Variants in EEF2K observed in about 807,000 individuals in gnomAD.
EEF2K encodes eukaryotic elongation factor 2 kinase.
Under a neutral mutation model 93.8 loss-of-function variants are expected in EEF2K, and 70 were observed. The observed-to-expected ratio is 0.75, with a 90% CI of 0.62 to 0.91. The LOEUF (loss-of-function observed/expected upper bound fraction) is 0.91, where lower values mean the gene tolerates loss of function less well. EEF2K is among the 40% of genes least tolerant of loss of function. The pLI is 0.00. For synonymous variants in EEF2K, 376 were observed against 380.8 expected, an observed-to-expected ratio of 0.99 and a Z score of 0.15; for missense variants, 935 against 972.9, an observed-to-expected ratio of 0.96 and a Z score of 0.52.
chr16:22,263,208 G>T, intron 12 of EEF2K, 21 bp downstream of exon 12: 3 of 1,604,352 alleles, frequency 1.9e-6, no homozygotes, highest in Non-Finnish European at 2.6e-6. Context: ...CCCAGGAAAT[G>T]AGACCGGTGT....
At position 22,256,248 on chromosome 16, in the gene EEF2K, C is replaced by A. The variant is rs372994075; in HGVS notation, c.619-500C>A. On this transcript the variant is annotated intron_variant, in intron 6 of 17. Coordinates refer to ENST00000263026, the MANE Select transcript of EEF2K (RefSeq NM_013302.5). The stretch of plus-strand genomic sequence containing the variant: ...GAGTAGCTGGGATTACAGGCATGTG[C>A]CACCATGCCTGGCTAATTTTGTATT... 2.5e-4 allele frequency among the ~76,000 whole-genome samples: 38 copies of A among 152,224 alleles called. No individual in the cohort carries two copies. The East Asian group carries it at 4.5e-3, about 18-fold the overall frequency.
intron 3 of EEF2K, 41 bp from the exon 4 acceptor site, chr16:22,248,713 AC>A: frequency 6.2e-7 from 1 of 1,611,454 alleles, no homozygotes; most frequent in Middle Eastern, 1.7e-4. Context: ...AAACAGGACC[AC>A]GTGATGGACG....
intron 1 of EEF2K, among the ~76,000 whole-genome samples, chr16:22,224,410 C>T (rs140338849): frequency 1.6e-3 from 246 of 152,078 alleles, no homozygotes; most frequent in Middle Eastern, 0.01. Flanking sequence ...GCAGGAGGAT[C>T]ACTTGAGCCC....
chr16:22,226,370 GA>G (rs1458916383), intron 2 of EEF2K, among the ~76,000 whole-genome samples: 1 of 111,444 alleles, frequency 9.0e-6, no homozygotes, highest in Non-Finnish European at 1.7e-5. Flanking sequence ...GAACAGAACA[GA>G]ATAAAACAGC....
intron 1 of EEF2K, among the ~76,000 whole-genome samples, chr16:22,206,919 A>G (rs544580803): frequency 6.6e-6 from 1 of 152,288 alleles, no homozygotes; most frequent in South Asian, 2.1e-4. Context: ...GTGGATATGG[A>G]AAGCAATTGG....
At chr16:22,220,767 C>T (rs1308870704) in intron 1 of EEF2K, among the ~76,000 whole-genome samples, 4 of 150,380 alleles carry the variant, frequency 2.7e-5, no homozygotes, top group Admixed American at 6.6e-5. Flanking sequence ...TTTTAACCAC[C>T]GAACTACACT....
At chr16:22,267,015 G>A in intron 15 of EEF2K, 139 bp downstream of exon 15, 1 of 1,098,028 alleles carries the variant, frequency 9.1e-7, no homozygotes. Context: ...AATGTCCCAG[G>A]CACTGGTTTG....
At position 22,251,131 on chromosome 16, in the gene EEF2K, C is replaced by A. The variant is rs371491303; in HGVS notation, c.447-20C>A. The A allele has an allele frequency of 8.1e-6, 13 of 1,608,312 alleles. No individual in the cohort carries two copies. In the African/African-American group the frequency reaches 1.6e-4, roughly 20 times the overall value. On this transcript the variant is annotated intron_variant, in intron 5 of 17. Transcript: ENST00000263026. ...AACCCCAGAGTACCCAGGTAGGCCCCCTGTTGCCTCTTCCCACAGGAAGAA... is the reference window on the plus strand; with the variant it reads ...AACCCCAGAGTACCCAGGTAGGCCCACTGTTGCCTCTTCCCACAGGAAGAA...
intron 15 of EEF2K, among the ~76,000 whole-genome samples, chr16:22,270,971 CTTT>C (rs11290278): frequency 8.5e-5 from 11 of 129,582 alleles, no homozygotes; most frequent in Admixed American, 1.6e-4. Flanking sequence ...TTTTGTTTTT[CTTT>C]TTTTTTTTTT....
rs750292606 is a variant in EEF2K at position 22,225,844 on chromosome 16, A to G, written c.115A>G (p.Ile39Val). Reference protein sequence around the residue: ...GDSDDEEGYFICPITDDPSSN... With the variant: ...GDSDDEEGYFVCPITDDPSSN... Reference sequence around the variant, plus strand: ...CAGCGACGATGAGGAAGGTTACTTCATCTGCCCCATCACGGATGACCCAAG... The same window carrying G: ...CAGCGACGATGAGGAAGGTTACTTCGTCTGCCCCATCACGGATGACCCAAG... The change falls in exon 2 of 18, where the codon ATC becomes GTC. Residue 39 changes from isoleucine to valine, a missense_variant. Physicochemically the swap from Ile to Val is conservative, Grantham distance 29. Coordinates refer to ENST00000263026, the MANE Select transcript of EEF2K (RefSeq NM_013302.5). 1.1e-5 allele frequency: 18 copies of G among 1,614,122 alleles called. No homozygotes were observed. Among genetic ancestry groups the G allele is most frequent in the Admixed American group, 1.7e-5 (1 of 60,004 alleles).
At chr16:22,265,331 G>A (rs1216110085) in intron 13 of EEF2K, 1 of 161,026 alleles carries the variant, frequency 6.2e-6, no homozygotes, top group African/African-American at 2.4e-5. Flanking sequence ...GACCAGCTCT[G>A]TGCCCCACCC....
At chr16:22,277,410 C>T (rs1053960716) in intron 16 of EEF2K, among the ~76,000 whole-genome samples, 5 of 152,190 alleles carry the variant, frequency 3.3e-5, no homozygotes, top group Admixed American at 2.0e-4. Context: ...GCTGGGATCA[C>T]AGGCATGAGC....
At chr16:22,278,090 C>T (rs1038221457) in intron 16 of EEF2K, among the ~76,000 whole-genome samples, 1 of 152,012 alleles carries the variant, frequency 6.6e-6, no homozygotes, top group Non-Finnish European at 1.5e-5. Flanking sequence ...CCCTGTCATC[C>T]CAGCTACTCA....
intron 2 of EEF2K, among the ~76,000 whole-genome samples, chr16:22,231,617 ATGT>A (rs200127932): frequency 3.3e-5 from 5 of 152,114 alleles, no homozygotes; most frequent in South Asian, 2.1e-4. Flanking sequence ...GGAGAAAAAG[ATGT>A]TGTTAAGAAA....
chr16:22,214,660 C>G (rs1369204469), intron 1 of EEF2K, among the ~76,000 whole-genome samples: 1 of 151,450 alleles, frequency 6.6e-6, no homozygotes, highest in African/African-American at 2.4e-5. Flanking sequence ...GCCAGACTCT[C>G]TCAGCAACAA....
Position 22,280,904 on chromosome 16 carries a change from C to T in EEF2K, c.2068+528C>T, listed in dbSNP as rs372909354. Among the ~76,000 whole-genome samples, 11 of 152,242 alleles carry T rather than the reference C, an allele frequency of 7.2e-5. 1 individual carries two copies. In the South Asian group the frequency reaches 2.1e-3, roughly 29 times the overall value. ...TCTCGAACTCCTGACCTCAAGTGAT[C>T]GGCCCACCTCGGCCTCCCAAAGTGC... On this transcript the variant is annotated intron_variant, in intron 17 of 17. Coordinates refer to ENST00000263026, the MANE Select transcript of EEF2K (RefSeq NM_013302.5).
At chr16:22,228,754 C>G (rs1009505030) in intron 2 of EEF2K, among the ~76,000 whole-genome samples, 2 of 152,114 alleles carry the variant, frequency 1.3e-5, no homozygotes, top group African/African-American at 4.8e-5. Flanking sequence ...AACTTTGAAG[C>G]TGGACAGCTC....
chr16:22,217,160 C>CAAAAAAA (rs59262131), intron 1 of EEF2K, among the ~76,000 whole-genome samples: 4 of 76,494 alleles, frequency 5.2e-5, no homozygotes, highest in Admixed American at 1.9e-4. Context: ...GACCCTGTCT[C>CAAAAAAA]AAAAAAAAAA....
intron 16 of EEF2K, among the ~76,000 whole-genome samples, chr16:22,275,326 T>C (rs992649736): frequency 1.3e-5 from 2 of 151,392 alleles, no homozygotes; most frequent in Non-Finnish European, 2.9e-5. Flanking sequence ...ATTTTTATTT[T>C]TTAATTATTA....
Sources: gnomAD v4.1 joint callset for allele counts (sites outside exome capture counted in the v4.1 genomes callset) on GRCh38, gnomAD v4.1.1 for gene constraint, MANE v1.5 for transcripts, NCBI Gene and HGNC (gene_info 2026-07-23, HGNC 2026-07-21) for gene names.